The following NEBL variants were observed in gnomAD, a reference collection of about 807,000 sequenced individuals.
NEBL encodes LIM and SH3 protein 2.
In NEBL, 122 loss-of-function variants were observed where a neutral mutation model predicts 140.2. The observed-to-expected ratio is 0.87, with a 90% confidence interval of 0.75 to 1.01. NEBL has a LOEUF of 1.01. Ranked by LOEUF, NEBL falls within the 50% of genes least tolerant of loss-of-function variation. The pLI is 0.00. For missense variants in NEBL, 1,365 were observed against 1,231.3 expected (o/e 1.11, Z -1.62); for synonymous variants, 436 against 398.9 (o/e 1.09, Z -1.11).
intron 3 of NEBL, among the ~76,000 whole-genome samples, chr10:20,982,266 T>A (rs1384015810): frequency 6.6e-6 from 1 of 152,242 alleles, no homozygotes; most frequent in Non-Finnish European, 1.5e-5. Context: ...GATCCTCAGA[T>A]GGGACTCCCC....
At chr10:21,042,530 T>C (rs1431381840) in intron 2 of NEBL, among the ~76,000 whole-genome samples, 5 of 152,228 alleles carry the variant, frequency 3.3e-5, no homozygotes, top group African/African-American at 1.2e-4. Flanking sequence ...CTACGTGGTA[T>C]TATGGTCTCT....
intron 2 of NEBL, among the ~76,000 whole-genome samples, chr10:21,038,788 C>T (rs1368786860): frequency 2.0e-5 from 3 of 152,194 alleles, no homozygotes; most frequent in Non-Finnish European, 1.5e-5. Context: ...AATCACCACA[C>T]TGCCTTCTAC....
Position 20,782,096 on chromosome 10 carries a change from T to A in NEBL, c.*3651A>T, listed in dbSNP as rs1277859384. 1 of 152,560 alleles carries A rather than the reference T, an allele frequency of 6.6e-6. No homozygotes were observed. Among genetic ancestry groups the A allele is most frequent in the South Asian group, 2.1e-4 (1 of 4,828 alleles). 9.5% of individuals were successfully genotyped at this position (152,560 alleles called of 1,614,324 possible). On this transcript the variant is annotated 3_prime_UTR_variant, in exon 28 of 28. Coordinates refer to ENST00000377122, the MANE Select transcript of NEBL (RefSeq NM_006393.3). ...ACCTTTCAGAAATAGATGGAAGAAG[T>A]CGGCATTTTCTAAAGTTCTAAATCT...
chr10:20,937,499 G>A (rs1443850520), intron 4 of NEBL, among the ~76,000 whole-genome samples: 1 of 152,162 alleles, frequency 6.6e-6, no homozygotes, highest in African/African-American at 2.4e-5. Flanking sequence ...CCAGTCTACA[G>A]CTCCCAGTGT....
rs757374965 is a variant in NEBL, at chr10:20,889,978, GAGAAAA to G, written c.154-35_154-30del. 2.8e-6 allele frequency: 4 copies of G among 1,439,682 alleles called. No homozygotes were observed. The South Asian group carries it at 4.8e-5, about 17-fold the overall frequency. 89.2% of individuals were successfully genotyped at this position (1,439,682 alleles called of 1,614,324 possible). A position where few individuals can be genotyped will look rare whatever the true frequency, so the allele number is the denominator to read the frequency against. ...AAAAAGAGAATGATTTACATAAGAAGAGAAAAAGAAAAACAATTCTAATGGCCTTTT... is the reference window on the plus strand; with the variant it reads ...AAAAAGAGAATGATTTACATAAGAAGAGAAAAACAATTCTAATGGCCTTTT... On this transcript the variant is annotated intron_variant, in intron 2 of 27. Transcript: ENST00000377122.
intron 2 of NEBL, among the ~76,000 whole-genome samples, chr10:21,107,290 T>C (rs1236682944): frequency 6.6e-6 from 1 of 152,068 alleles, no homozygotes; most frequent in Non-Finnish European, 1.5e-5. Context: ...TTCGCTATGA[T>C]ATTGGCTGTG....
At chr10:21,006,128 A>T (rs1221884341) in intron 3 of NEBL, among the ~76,000 whole-genome samples, 2 of 152,240 alleles carry the variant, frequency 1.3e-5, no homozygotes, top group African/African-American at 4.8e-5. Context: ...CTTCCTTTAA[A>T]TGATCGCATC....
In NEBL at chr10:20,880,360, A is replaced by AAAAAG. The variant is rs373905298; in HGVS notation, c.480+429_480+433dup. On this transcript the variant is annotated intron_variant, in intron 5 of 27. Coordinates refer to ENST00000377122, the MANE Select transcript of NEBL (RefSeq NM_006393.3). ...GGGTGACAGAGCGAGGCTCTGTGTC[A>AAAAAG]AAAAGAAAAGAAAAGAAAACAGTAG... 1.0e-3 allele frequency among the ~76,000 whole-genome samples: 155 copies of AAAAAG among 152,294 alleles called. 2 individuals carry two copies. The highest frequency in any genetic ancestry group is 6.8e-3 in the Middle Eastern group (2 of 294).
intron 4 of NEBL, among the ~76,000 whole-genome samples, chr10:20,931,522 C>T (rs1463955667): frequency 3.3e-5 from 5 of 152,184 alleles, no homozygotes. Flanking sequence ...GTCAGTAGAT[C>T]ATCAAGGAAT....
intron 3 of NEBL, among the ~76,000 whole-genome samples, chr10:21,227,917 C>A (rs7895565): frequency 1.3e-5 from 2 of 151,416 alleles, no homozygotes; most frequent in South Asian, 4.2e-4. Flanking sequence ...TAAATGGTAA[C>A]GTTCAGAATC....
At position 20,897,285 on chromosome 10, in the gene NEBL, T is replaced by A. The variant is rs1163089195; in HGVS notation, c.-80A>T. The A allele has an allele frequency of 5.3e-6, 8 of 1,516,262 alleles. No individual in the cohort carries two copies. The highest frequency in any genetic ancestry group is 7.0e-6 in the Non-Finnish European group (8 of 1,140,830). 93.9% of individuals were successfully genotyped at this position (1,516,262 alleles called of 1,614,324 possible). A position where few individuals can be genotyped will look rare whatever the true frequency, so the allele number is the denominator to read the frequency against. ...CCATACCACAGTGCCCTTGAGATGC[T>A]GACGTCTCTGGTGCTCTGGCAGAAA... On this transcript the variant is annotated 5_prime_UTR_variant, in exon 1 of 28. Coordinates refer to ENST00000377122, the MANE Select transcript of NEBL (RefSeq NM_006393.3).
chr10:21,026,361 C>T (rs1292446320), intron 2 of NEBL, among the ~76,000 whole-genome samples: 7 of 152,096 alleles, frequency 4.6e-5, no homozygotes, highest in Admixed American at 2.0e-4. Context: ...TATCCTGTCC[C>T]AAATGTCAAC....
At chr10:20,937,700 G>T (rs1049471674) in intron 4 of NEBL, among the ~76,000 whole-genome samples, 1 of 152,136 alleles carries the variant, frequency 6.6e-6, no homozygotes, top group Non-Finnish European at 1.5e-5. Flanking sequence ...TCAAAGAAAG[G>T]GGTGACAGAT....
Position 20,839,702 on chromosome 10 carries a change from G to C in NEBL, c.1338+1037C>G, listed in dbSNP as rs150946379. On this transcript the variant is annotated intron_variant, in intron 13 of 27. Transcript: ENST00000377122. ...CTCAACAAATGGGTGACCATGAGAG[G>C]ATAATCAGCACATTCTACTCCCCCA... Among the ~76,000 whole-genome samples, 13 of 152,204 alleles carry C rather than the reference G, an allele frequency of 8.5e-5. No individual in the cohort carries two copies. The East Asian group carries it at 2.5e-3, about 29-fold the overall frequency.
chr10:20,876,837 T>C (rs1845545108), intron 5 of NEBL, among the ~76,000 whole-genome samples: 1 of 152,244 alleles, frequency 6.6e-6, no homozygotes, highest in Admixed American at 6.5e-5. Context: ...TAAGCCCATC[T>C]TTAGGGGAAA....
intron 2 of NEBL, among the ~76,000 whole-genome samples, chr10:21,107,093 G>A (rs1837753225): frequency 6.6e-6 from 1 of 152,108 alleles, no homozygotes; most frequent in Non-Finnish European, 1.5e-5. Context: ...CTGAGACGAT[G>A]GGTTTTTCTA....
At chr10:21,054,955 G>A (rs919583258) in intron 2 of NEBL, among the ~76,000 whole-genome samples, 1 of 152,132 alleles carries the variant, frequency 6.6e-6, no homozygotes, top group Non-Finnish European at 1.5e-5. Context: ...AGAAAATAAA[G>A]TTGTTTTTAA....
At chr10:20,988,064 T>C (rs1305456339) in intron 3 of NEBL, among the ~76,000 whole-genome samples, 1 of 152,150 alleles carries the variant, frequency 6.6e-6, no homozygotes, top group Non-Finnish European at 1.5e-5. Context: ...TCAAAATCAA[T>C]TATCCTCAAA....
chr10:21,052,053 A>G (rs1255320050), intron 2 of NEBL, among the ~76,000 whole-genome samples: 1 of 152,186 alleles, frequency 6.6e-6, no homozygotes, highest in African/African-American at 2.4e-5. Flanking sequence ...GTTCAAAATA[A>G]AAACATGTAT....
Sources: gnomAD v4.1 joint callset for allele counts (sites outside exome capture counted in the v4.1 genomes callset) on GRCh38, gnomAD v4.1.1 for gene constraint, MANE v1.5 for transcripts, NCBI Gene and HGNC (gene_info 2026-07-23, HGNC 2026-07-21) for gene names.